The following KCNS3 variants were observed in gnomAD, a reference collection of about 807,000 sequenced individuals.
KCNS3 encodes the protein potassium voltage-gated channel modifier subfamily S member 3.
Under a neutral mutation model 31.0 loss-of-function variants are expected in KCNS3, and 13 were observed. The ratio of observed to expected loss-of-function variants is 0.42; its 90% CI spans 0.27 to 0.67. KCNS3 has a LOEUF of 0.67. Among genes scored for constraint, KCNS3 ranks in the 30% least tolerant of loss-of-function variants. The pLI is 0.25. For synonymous variants in KCNS3, 238 were observed against 241.5 expected (o/e 0.99, Z 0.13); for missense variants, 545 against 622.4 (o/e 0.88, Z 1.32).
chr2:17,900,185 G>A (rs1367665550), intron 1 of KCNS3, among the ~76,000 whole-genome samples: 1 of 152,158 alleles, frequency 6.6e-6, no homozygotes, highest in Non-Finnish European at 1.5e-5. Context: ...ACTTTTGGCT[G>A]GGCATTAAGG....
At chr2:17,895,277 C>T (rs746969534) in intron 1 of KCNS3, among the ~76,000 whole-genome samples, 12 of 152,148 alleles carry the variant, frequency 7.9e-5, no homozygotes, top group Non-Finnish European at 1.6e-4. Context: ...ATAGACACTT[C>T]GCCCTCTGAG....
At chr2:17,879,974 A>G (rs1674607648) in intron 1 of KCNS3, among the ~76,000 whole-genome samples, 2 of 152,002 alleles carry the variant, frequency 1.3e-5, no homozygotes, top group African/African-American at 4.8e-5. Context: ...CTTTCACCCT[A>G]CCCTCTGAAA....
At chr2:17,893,711 G>C (rs1291254921) in intron 1 of KCNS3, among the ~76,000 whole-genome samples, 1 of 152,134 alleles carries the variant, frequency 6.6e-6, no homozygotes, top group Non-Finnish European at 1.5e-5. Context: ...GTGTGTGTTT[G>C]GGGGAGGAGG....
chr2:17,931,767 C>G lies in KCNS3; in HGVS notation c.759C>G (p.Asn253Lys), dbSNP rs750486968. ...AAPCQKKFWK[N>K]PLNIIDFVSI... ...CTTGTCAAAAGAAATTCTGGAAAAA[C>G]CCTCTGAACATCATTGACTTTGTCT... is the stretch of plus-strand genomic sequence containing the variant. Residue 253 changes from asparagine (N) to lysine (K), a missense_variant, in exon 3 of 3, where the codon AAC becomes AAG. Coordinates refer to ENST00000304101, the MANE Select transcript of KCNS3 (RefSeq NM_002252.5). The surrounding 1 kb of genome is among the most constrained non-coding windows in gnomAD (Gnocchi z 5.4). The G allele has an allele frequency of 6.2e-7, 1 of 1,614,058 alleles. No homozygotes were observed. Among genetic ancestry groups the G allele is most frequent in the Non-Finnish European group, 8.5e-7 (1 of 1,179,928 alleles).
intron 2 of KCNS3, among the ~76,000 whole-genome samples, chr2:17,930,239 G>C (rs1197966551): frequency 6.6e-6 from 1 of 152,118 alleles, no homozygotes; most frequent in African/African-American, 2.4e-5. Flanking sequence ...ACCATAAAGA[G>C]GTTTTCCCAA....
chr2:17,890,113 T>C (rs1661810387), intron 1 of KCNS3, among the ~76,000 whole-genome samples: 1 of 152,210 alleles, frequency 6.6e-6, no homozygotes, highest in South Asian at 2.1e-4. Flanking sequence ...TTGTTATTAG[T>C]CTGTTCAGGG....
intron 1 of KCNS3, among the ~76,000 whole-genome samples, chr2:17,902,852 A>C (rs78677349): frequency 0.034 from 5,239 of 152,208 alleles, 103 homozygotes; most frequent in Middle Eastern, 0.085. Context: ...GTGTGCTTTT[A>C]TTGATTTTAT....
rs192710678 is a variant in KCNS3 at position 17,887,480 on chromosome 2, A to C, written c.-252+8674A>C. Among the ~76,000 whole-genome samples the C allele has an allele frequency of 6.3e-3, 598 of 94,386 alleles. 6 individuals carry two copies. Among genetic ancestry groups the C allele is most frequent in the African/African-American group, 0.023 (586 of 25,924 alleles). 61.9% of individuals were successfully genotyped at this position (94,386 alleles called of 152,430 possible). On this transcript the variant is annotated intron_variant, in intron 1 of 2. Coordinates refer to ENST00000304101, the MANE Select transcript of KCNS3 (RefSeq NM_002252.5). ...TTTTATGGCTGCGTTGTATTCTATC[A>C]TATGATCTATCTATCTATCTATCTA...
At chr2:17,929,829 C>A (rs1662914941) in intron 2 of KCNS3, among the ~76,000 whole-genome samples, 1 of 152,146 alleles carries the variant, frequency 6.6e-6, no homozygotes, top group Non-Finnish European at 1.5e-5. Context: ...AATCTTGGCT[C>A]CATCATTTAC....
At chr2:17,884,361 G>T (rs1278808149) in intron 1 of KCNS3, among the ~76,000 whole-genome samples, 2 of 148,118 alleles carry the variant, frequency 1.4e-5, no homozygotes, top group South Asian at 4.3e-4. Flanking sequence ...CAAGTTCAAG[G>T]TCTTATGGTT....
At chr2:17,916,492 G>T (rs540003617) in intron 1 of KCNS3, among the ~76,000 whole-genome samples, 6 of 152,296 alleles carry the variant, frequency 3.9e-5, no homozygotes, top group African/African-American at 1.4e-4. Context: ...TATAAGTTCA[G>T]TTTGGGTGGA....
At chr2:17,901,687 G>A (rs911724375) in intron 1 of KCNS3, among the ~76,000 whole-genome samples, 6 of 152,144 alleles carry the variant, frequency 3.9e-5, no homozygotes, top group African/African-American at 1.4e-4. Flanking sequence ...GGGTGAGGCT[G>A]GGTGGGGAGA....
rs550054046 is a variant in KCNS3 at position 17,927,911 on chromosome 2, A to G, written c.-59-3039A>G. Among the ~76,000 whole-genome samples the G allele has an allele frequency of 2.6e-5, 4 of 152,320 alleles. No individual in the cohort carries two copies. In the South Asian group the frequency reaches 8.3e-4, roughly 32 times the overall value. On this transcript the variant is annotated intron_variant, in intron 2 of 2. Transcript: ENST00000304101. ...CAGTTTTCTGGGCTTTCTGGACAGAACCAATGTACATTTTACATATATTGA... is the reference window on the plus strand; with the variant it reads ...CAGTTTTCTGGGCTTTCTGGACAGAGCCAATGTACATTTTACATATATTGA...
chr2:17,908,788 A>C (rs1431740208), intron 1 of KCNS3, among the ~76,000 whole-genome samples: 1 of 152,230 alleles, frequency 6.6e-6, no homozygotes, highest in Non-Finnish European at 1.5e-5. Context: ...ATTGCTGAAC[A>C]GCAAATGTTG....
At chr2:17,894,337 A>G (rs986713051) in intron 1 of KCNS3, among the ~76,000 whole-genome samples, 2 of 152,156 alleles carry the variant, frequency 1.3e-5, no homozygotes, top group African/African-American at 4.8e-5. Flanking sequence ...ACACACTTGC[A>G]CCACACACCC....
Position 17,931,287 on chromosome 2 carries a change from G to A in KCNS3, c.279G>A (p.Glu93=), listed in dbSNP as rs1662956750. The A allele has an allele frequency of 1.2e-6, 2 of 1,614,170 alleles. No homozygotes were observed. Among genetic ancestry groups the A allele is most frequent in the East Asian group, 2.2e-5 (1 of 44,880 alleles). Residue 93 remains glutamate (E), a synonymous_variant, in exon 3 of 3, where the codon GAG becomes GAA. Coordinates refer to ENST00000304101, the MANE Select transcript of KCNS3 (RefSeq NM_002252.5). This position sits in a 1 kb window ranked among gnomAD's most constrained non-coding sequence, Gnocchi z 5.4. The part of the protein sequence containing the change: ...YYTGKLHVME[E]LCVFSFCQEI... ...CGGGGAAGCTGCATGTCATGGAGGA[G>A]CTGTGCGTATTCTCATTCTGCCAGG...
chr2:17,925,436 A>G (rs181962621), intron 2 of KCNS3, among the ~76,000 whole-genome samples: 5 of 152,336 alleles, frequency 3.3e-5, no homozygotes, highest in Admixed American at 2.6e-4. Flanking sequence ...AAGTCTTTAG[A>G]CAATGTATTA....
rs1663032800 is a variant in KCNS3 at position 17,932,744 on chromosome 2, G to A, written c.*260G>A. 2 of 373,692 alleles carry A rather than the reference G, an allele frequency of 5.4e-6. No individual in the cohort carries two copies. The highest frequency in any genetic ancestry group is 9.7e-5 in the South Asian group (2 of 20,718). 23.1% of individuals were successfully genotyped at this position (373,692 alleles called of 1,614,324 possible). Reference sequence around the variant, plus strand: ...TTTGGAATATAAGATAAATGGTATTGGGTGGGGTTTGTGGCTACAGCTTAT... The same window carrying A: ...TTTGGAATATAAGATAAATGGTATTAGGTGGGGTTTGTGGCTACAGCTTAT... On this transcript the variant is annotated 3_prime_UTR_variant, in exon 3 of 3. Coordinates refer to ENST00000304101, the MANE Select transcript of KCNS3 (RefSeq NM_002252.5).
intron 1 of KCNS3, among the ~76,000 whole-genome samples, chr2:17,881,761 G>T (rs1674648323): frequency 6.6e-6 from 1 of 152,044 alleles, no homozygotes. Flanking sequence ...TGCTTAGTGG[G>T]ATCTCGGACT....
Sources: gnomAD v4.1 joint callset for allele counts (sites outside exome capture counted in the v4.1 genomes callset) on GRCh38, gnomAD v4.1.1 for gene constraint, Gnocchi (gnomAD v3.1) non-coding constraint, MANE v1.5 for transcripts, NCBI Gene and HGNC (gene_info 2026-07-23, HGNC 2026-07-21) for gene names.